Variants in REC114 observed in about 807,000 individuals in gnomAD.
REC114 encodes meiotic recombination protein REC114.
Under a neutral mutation model 31.3 loss-of-function variants are expected in REC114, and 27 were observed. The ratio of observed to expected loss-of-function variants is 0.86; its 90% CI spans 0.64 to 1.19. REC114 has a LOEUF of 1.19. Ranked by LOEUF, REC114 falls within the 50% of genes most tolerant of loss-of-function variation. The pLI is 0.00. For synonymous variants in REC114, 134 were observed against 127.7 expected, an observed-to-expected ratio of 1.05 and a Z score of -0.33; for missense variants, 344 against 326.9, an observed-to-expected ratio of 1.05 and a Z score of -0.40.
intron 1 of REC114, among the ~76,000 whole-genome samples, chr15:73,448,830 C>T (rs1353817999): frequency 2.6e-5 from 4 of 152,176 alleles, no homozygotes; most frequent in Non-Finnish European, 2.9e-5. Flanking sequence ...CTGCAGCCTC[C>T]GCTGGTGATA....
intron 2 of REC114, among the ~76,000 whole-genome samples, chr15:73,517,546 C>T (rs1893876399): frequency 6.6e-6 from 1 of 152,114 alleles, no homozygotes; most frequent in Non-Finnish European, 1.5e-5. Context: ...TGAAGGAAAA[C>T]TTTGAAGTTT....
At chr15:73,526,478 C>T (rs1567890006) in intron 2 of REC114, among the ~76,000 whole-genome samples, 3 of 152,064 alleles carry the variant, frequency 2.0e-5, no homozygotes, top group Non-Finnish European at 4.4e-5. Context: ...CCTCCTTTAT[C>T]ACCACCCACC....
chr15:73,472,280 AGAGT>A (rs1242363724), intron 1 of REC114, among the ~76,000 whole-genome samples: 1 of 152,234 alleles, frequency 6.6e-6, no homozygotes, highest in Admixed American at 6.5e-5. Flanking sequence ...TGTGACAAGA[AGAGT>A]GTTGTGCCAC....
intron 5 of REC114, among the ~76,000 whole-genome samples, chr15:73,559,470 T>C (rs1198406222): frequency 6.6e-6 from 1 of 152,214 alleles, no homozygotes; most frequent in Non-Finnish European, 1.5e-5. Context: ...TTCATTAAAG[T>C]AGAATCTCAA....
At chr15:73,481,698 G>T (rs189567911) in intron 2 of REC114, among the ~76,000 whole-genome samples, 1 of 120,796 alleles carries the variant, frequency 8.3e-6, no homozygotes, top group Non-Finnish European at 1.6e-5. Flanking sequence ...TCACTCTGTC[G>T]CCTAGGCTGG....
At chr15:73,531,523 T>C (rs1435115470) in intron 2 of REC114, among the ~76,000 whole-genome samples, 2 of 152,196 alleles carry the variant, frequency 1.3e-5, no homozygotes, top group African/African-American at 4.8e-5. Context: ...GCGCCCCATC[T>C]TGGTGGCATT....
chr15:73,507,637 G>C (rs765208325), intron 2 of REC114, among the ~76,000 whole-genome samples: 3 of 151,916 alleles, frequency 2.0e-5, no homozygotes, highest in Non-Finnish European at 4.4e-5. Context: ...CACTATATAT[G>C]GGTACACATG....
intron 4 of REC114, among the ~76,000 whole-genome samples, chr15:73,554,057 T>C (rs915663009): frequency 7.2e-5 from 11 of 152,224 alleles, no homozygotes; most frequent in Admixed American, 6.5e-4. Flanking sequence ...GCCACCAATG[T>C]TACCCTTTCA....
chr15:73,532,604 G>C (rs190727277), intron 2 of REC114, among the ~76,000 whole-genome samples: 4 of 152,080 alleles, frequency 2.6e-5, no homozygotes, highest in Admixed American at 2.6e-4. Context: ...CCCACCAACA[G>C]TGTAAAAGTG....
intron 2 of REC114, among the ~76,000 whole-genome samples, chr15:73,498,655 C>A (rs958113904): frequency 2.0e-5 from 3 of 151,998 alleles, no homozygotes; most frequent in Admixed American, 1.3e-4. Context: ...GATTTTACAC[C>A]TTTTTCTATT....
intron 1 of REC114, among the ~76,000 whole-genome samples, chr15:73,460,539 A>G (rs1386378529): frequency 2.0e-5 from 3 of 152,306 alleles, no homozygotes; most frequent in Middle Eastern, 3.4e-3. Context: ...TTGAAATATA[A>G]TTTGATTACT....
At chr15:73,452,286 T>A (rs1892860925) in intron 1 of REC114, among the ~76,000 whole-genome samples, 1 of 152,184 alleles carries the variant, frequency 6.6e-6, no homozygotes, top group Admixed American at 6.5e-5. Flanking sequence ...TTCAGCAAAG[T>A]CTCAGGATAT....
chr15:73,521,207 TAGA>T (rs767900362), intron 2 of REC114, among the ~76,000 whole-genome samples: 12 of 151,944 alleles, frequency 7.9e-5, no homozygotes, highest in Non-Finnish European at 1.6e-4. Context: ...CAATAGCAAA[TAGA>T]AGAGCAGAGA....
chr15:73,551,086 G>A lies in REC114; in HGVS notation c.482G>A (p.Gly161Asp). The change falls in exon 4 of 6, where the codon GGC (glycine) becomes GAC (aspartate). Residue 161 changes from glycine to aspartate, a missense_variant. Coordinates refer to ENST00000331090, the MANE Select transcript of REC114 (RefSeq NM_001042367.2). ...ATCCAGGAGCTTCAGCTGATTCCTG[G>A]CCCACCCAGGGCAACTGAAAGTCAA... ...GNIQELQLIP[G>D]PPRATESQGK... 6.2e-7 allele frequency: 1 copy of A among 1,613,498 alleles called. No homozygotes were observed. The highest frequency in any genetic ancestry group is 1.1e-5 in the South Asian group (1 of 91,020).
At chr15:73,478,497 A>G (rs550876468) in intron 2 of REC114, among the ~76,000 whole-genome samples, 1 of 152,118 alleles carries the variant, frequency 6.6e-6, no homozygotes, top group East Asian at 1.9e-4. Context: ...CTTTGTTGTA[A>G]TTTTTGAAAT....
intron 2 of REC114, among the ~76,000 whole-genome samples, chr15:73,534,272 T>G (rs1430050636): frequency 1.3e-5 from 2 of 151,884 alleles, no homozygotes. Context: ...ATCAACAAAA[T>G]TGATAGACCG....
intron 4 of REC114, 127 bp from the exon 5 acceptor site, chr15:73,556,175 C>T: frequency 1.3e-6 from 1 of 760,702 alleles, no homozygotes; most frequent in South Asian, 1.8e-5. Context: ...ATGCTGACAA[C>T]CATTTTTATC....
intron 2 of REC114, among the ~76,000 whole-genome samples, chr15:73,496,559 A>G (rs1893528903): frequency 6.6e-6 from 1 of 151,196 alleles, no homozygotes; most frequent in Non-Finnish European, 1.5e-5. Flanking sequence ...AGGCTGAGGC[A>G]GGAGAATTGT....
intron 4 of REC114, among the ~76,000 whole-genome samples, chr15:73,552,363 C>T (rs1566950348): frequency 6.6e-6 from 1 of 152,176 alleles, no homozygotes; most frequent in Non-Finnish European, 1.5e-5. Context: ...ATCTAGTCAC[C>T]TTCTACTAAA....
Sources: allele counts gnomAD v4.1 joint callset (sites outside exome capture counted in the v4.1 genomes callset), GRCh38; gene constraint gnomAD v4.1.1; transcripts MANE v1.5; gene names NCBI Gene and HGNC (gene_info 2026-07-23, HGNC 2026-07-21).